PPP2R2B: variants seen among roughly 807,000 people sequenced by gnomAD.
The protein encoded by PPP2R2B is serine/threonine-protein phosphatase 2A 55 kDa regulatory subunit B beta isoform.
Under a neutral mutation model 46.0 loss-of-function variants are expected in PPP2R2B, and 5 were observed. The observed-to-expected ratio is 0.11, with a 90% CI of 0.06 to 0.23. The LOEUF (loss-of-function observed/expected upper bound fraction) is 0.23. Among genes scored for constraint, PPP2R2B ranks in the 10% least tolerant of loss-of-function variants. The probability of loss-of-function intolerance (pLI) is 1.00; values close to 1 mark genes in which losing one functional copy is unlikely to be tolerated. For missense variants in PPP2R2B, 367 were observed against 575.0 expected (o/e 0.64, Z 3.70); for synonymous variants, 215 against 206.7 (o/e 1.04, Z -0.34).
At chr5:146,944,090 T>TACA (rs1400194018) in intron 1 of PPP2R2B, among the ~76,000 whole-genome samples, 1 of 152,184 alleles carries the variant, frequency 6.6e-6, no homozygotes, top group African/African-American at 2.4e-5. Flanking sequence ...AGTAAATGAA[T>TACA]ACAAATTAAA....
At position 146,878,447 on chromosome 5, in the gene PPP2R2B, C is replaced by G. The variant is rs1302031992; in HGVS notation, c.-125+144G>C. On this transcript the variant is annotated intron_variant, in intron 1 of 9. Transcript: ENST00000394411. The surrounding 1 kb of genome is among the most constrained non-coding windows in gnomAD (Gnocchi z 4.5). ...TCACAAGCGGGTCTGGGGAGATGCC[C>G]AACAGGTTCCCCTCCTTGGCAGCCG... 1.4e-6 allele frequency: 2 copies of G among 1,391,966 alleles called. No homozygotes were observed. Among genetic ancestry groups the G allele is most frequent in the African/African-American group, 2.9e-5 (2 of 68,536 alleles). The allele number at this position is 1,391,966 out of a possible 1,614,324, so 86.2% of individuals were successfully genotyped here. A position where few individuals can be genotyped will look rare whatever the true frequency, so the allele number is the denominator to read the frequency against.
intron 2 of PPP2R2B, among the ~76,000 whole-genome samples, chr5:146,802,514 A>G (rs559024988): frequency 9.2e-5 from 14 of 152,328 alleles, no homozygotes; most frequent in Non-Finnish European, 1.9e-4. Context: ...ACCAAATCCA[A>G]GGGAGCATAA....
chr5:146,986,979 A>T (rs1219295027), intron 1 of PPP2R2B, among the ~76,000 whole-genome samples: 1 of 152,212 alleles, frequency 6.6e-6, no homozygotes, highest in Non-Finnish European at 1.5e-5. Context: ...CAAATGTCAA[A>T]AACAAAGGGA....
At chr5:146,750,644 G>A (rs974735025) in intron 2 of PPP2R2B, among the ~76,000 whole-genome samples, 1 of 152,106 alleles carries the variant, frequency 6.6e-6, no homozygotes, top group Non-Finnish European at 1.5e-5. Context: ...GGAATGGTGG[G>A]GATTGTGGCT....
intron 2 of PPP2R2B, among the ~76,000 whole-genome samples, chr5:146,816,482 T>G (rs186874411): frequency 6.6e-6 from 1 of 152,170 alleles, no homozygotes; most frequent in Non-Finnish European, 1.5e-5. Flanking sequence ...TCTTCTATAA[T>G]AGAGTTTATG....
chr5:147,038,645 C>G (rs1406348342), intron 1 of PPP2R2B, among the ~76,000 whole-genome samples: 1 of 152,180 alleles, frequency 6.6e-6, no homozygotes, highest in African/African-American at 2.4e-5. Context: ...ATTTTGGATA[C>G]TTTCCCTATG....
chr5:146,826,293 G>A (rs930099064), intron 2 of PPP2R2B, among the ~76,000 whole-genome samples: 9 of 152,110 alleles, frequency 5.9e-5, no homozygotes, highest in African/African-American at 2.2e-4. Flanking sequence ...CAACCATCAT[G>A]CCTACAGCCT....
chr5:146,787,892 A>G (rs1755944097), intron 2 of PPP2R2B, among the ~76,000 whole-genome samples: 1 of 152,058 alleles, frequency 6.6e-6, no homozygotes, highest in Admixed American at 6.6e-5. Context: ...TTAGGCTCAA[A>G]TCTTAACAGG....
intron 2 of PPP2R2B, among the ~76,000 whole-genome samples, chr5:147,074,035 C>CA (rs1187876886): frequency 0.11 from 12,545 of 113,618 alleles, 1,229 homozygotes; most frequent in African/African-American, 0.28. Context: ...GGCTCTGTCT[C>CA]AAAAAAAAAA....
At chr5:146,617,775 AC>A (rs1773321424) in intron 7 of PPP2R2B, among the ~76,000 whole-genome samples, 1 of 151,248 alleles carries the variant, frequency 6.6e-6, no homozygotes, top group Non-Finnish European at 1.5e-5. Context: ...GCTCACTGCA[AC>A]CTCTGCCTCC....
intron 2 of PPP2R2B, among the ~76,000 whole-genome samples, chr5:146,877,187 C>A (rs145278050): frequency 3.7e-4 from 56 of 152,304 alleles, no homozygotes; most frequent in African/African-American, 1.3e-3. Context: ...GAATGAGATT[C>A]CACCTGCTGA....
Position 146,877,941 on chromosome 5 carries a change from GCA to G in PPP2R2B, c.70+59_70+60del, listed in dbSNP as rs1761995966. ...CACTACGCGCCCAGCTGCCCAGGAA[GCA>G]CAGTGATCCGCAACTTGCGCCCGGC... On this transcript the variant is annotated intron_variant, in intron 2 of 9. Coordinates refer to ENST00000394411, the MANE Select transcript of PPP2R2B (RefSeq NM_181675.4). 17 of 1,561,924 alleles carry G rather than the reference GCA, an allele frequency of 1.1e-5. No individual in the cohort carries two copies. In the South Asian group the frequency reaches 1.5e-4, roughly 14 times the overall value.
intron 1 of PPP2R2B, among the ~76,000 whole-genome samples, chr5:146,948,816 T>C (rs1764566654): frequency 6.6e-6 from 1 of 152,162 alleles, no homozygotes; most frequent in South Asian, 2.1e-4. Context: ...ATTTGACAGG[T>C]AAATAAGTAA....
At chr5:146,973,745 T>G (rs577029942) in intron 1 of PPP2R2B, among the ~76,000 whole-genome samples, 21 of 152,156 alleles carry the variant, frequency 1.4e-4, no homozygotes, top group African/African-American at 5.0e-4. Flanking sequence ...AACCTACTTA[T>G]ATTTTTAAAA....
At chr5:146,608,074 G>T (rs1375523815) in intron 7 of PPP2R2B, among the ~76,000 whole-genome samples, 2 of 152,196 alleles carry the variant, frequency 1.3e-5, no homozygotes, top group African/African-American at 4.8e-5. Flanking sequence ...AAAAAGAAAA[G>T]TTGTGAGTCA....
chr5:146,758,054 G>C (rs916829205), intron 2 of PPP2R2B, among the ~76,000 whole-genome samples: 1 of 152,142 alleles, frequency 6.6e-6, no homozygotes, highest in Non-Finnish European at 1.5e-5. Flanking sequence ...GCATTGTGAT[G>C]CTATTCCTCA....
At chr5:147,052,432 A>G (rs917841435) in intron 1 of PPP2R2B, among the ~76,000 whole-genome samples, 4 of 152,188 alleles carry the variant, frequency 2.6e-5, no homozygotes, top group Non-Finnish European at 4.4e-5. Flanking sequence ...AGAGACTAAC[A>G]AAACAGTCAC....
intron 2 of PPP2R2B, among the ~76,000 whole-genome samples, chr5:146,778,965 A>T (rs1296776386): frequency 6.6e-6 from 1 of 152,222 alleles, no homozygotes; most frequent in South Asian, 2.1e-4. Flanking sequence ...CTGATCAGAA[A>T]ACATTTAATG....
At chr5:147,073,568 T>C (rs1390429828) in intron 2 of PPP2R2B, among the ~76,000 whole-genome samples, 2 of 152,204 alleles carry the variant, frequency 1.3e-5, no homozygotes, top group Non-Finnish European at 2.9e-5. Context: ...CTCCCTTCAG[T>C]GCCCGAGGCA....
Sources: gnomAD v4.1 joint callset for allele counts (sites outside exome capture counted in the v4.1 genomes callset) on GRCh38, gnomAD v4.1.1 for gene constraint, Gnocchi (gnomAD v3.1) non-coding constraint, MANE v1.5 for transcripts, NCBI Gene and HGNC (gene_info 2026-07-23, HGNC 2026-07-21) for gene names.